Variants in PPM1L observed in about 807,000 individuals in gnomAD.
PPM1L encodes protein phosphatase 1L.
A neutral mutation model predicts 31.4 loss-of-function variants in PPM1L; 13 were observed. That is an observed-to-expected ratio of 0.41 (90% confidence interval 0.27 to 0.66). The LOEUF (loss-of-function observed/expected upper bound fraction) is 0.66, where lower values mean the gene tolerates loss of function less well. Among genes scored for constraint, PPM1L ranks in the 30% least tolerant of loss-of-function variants. The pLI is 0.29. For missense variants in PPM1L, 326 were observed against 453.7 expected (o/e 0.72, Z 2.56); for synonymous variants, 184 against 175.4 (o/e 1.05, Z -0.39).
intron 2 of PPM1L, among the ~76,000 whole-genome samples, chr3:160,972,883 A>G (rs1285954725): frequency 2.0e-5 from 3 of 152,076 alleles, no homozygotes; most frequent in Non-Finnish European, 4.4e-5. Context: ...CTTTTTAATG[A>G]TCGCCATTGT....
chr3:160,943,294 CT>C (rs1396365625), intron 1 of PPM1L, among the ~76,000 whole-genome samples: 1 of 152,130 alleles, frequency 6.6e-6, no homozygotes, highest in East Asian at 1.9e-4. Flanking sequence ...TCTGTGCATT[CT>C]TTTTGAAAAA....
intron 1 of PPM1L, among the ~76,000 whole-genome samples, chr3:160,951,546 TA>T (rs1364127668): frequency 2.6e-5 from 4 of 152,210 alleles, no homozygotes; most frequent in Admixed American, 6.5e-5. Context: ...AGAGGTAAGT[TA>T]TTTTTTATGT....
intron 1 of PPM1L, among the ~76,000 whole-genome samples, chr3:160,948,978 C>T (rs975307387): frequency 1.1e-4 from 16 of 152,006 alleles, no homozygotes; most frequent in African/African-American, 3.9e-4. Context: ...TGTTAAAATA[C>T]GGCAAACATT....
intron 1 of PPM1L, among the ~76,000 whole-genome samples, chr3:160,805,313 G>C (rs1295454949): frequency 6.6e-6 from 1 of 152,148 alleles, no homozygotes; most frequent in Non-Finnish European, 1.5e-5. Flanking sequence ...AAGTGAAAAA[G>C]TAGGGGACGA....
At position 161,069,023 on chromosome 3, in the gene PPM1L, A is replaced by C; in HGVS notation, c.949A>C (p.Ile317Leu). 1 of 1,614,218 alleles carries C rather than the reference A, an allele frequency of 6.2e-7. No homozygotes were observed. Among genetic ancestry groups the C allele is most frequent in the Non-Finnish European group, 8.5e-7 (1 of 1,180,032 alleles). Reference protein sequence around the residue: ...AFSNEEAVRFIKERLDEPHFG... With the variant: ...AFSNEEAVRFLKERLDEPHFG... Reference sequence around the variant, plus strand: ...CAGCAATGAAGAAGCAGTTCGATTCATCAAGGAGCGCTTGGATGAACCTCA... The same window carrying C: ...CAGCAATGAAGAAGCAGTTCGATTCCTCAAGGAGCGCTTGGATGAACCTCA... The change falls in exon 4 of 4, where the codon ATC (isoleucine) becomes CTC (leucine). Residue 317 changes from isoleucine (I) to leucine (L), a missense_variant. This residue lies in a region of PPM1L where 201 missense variants were observed against 298.2 expected (regional missense o/e 0.67). Coordinates refer to ENST00000498165, the MANE Select transcript of PPM1L (RefSeq NM_139245.4).
At chr3:160,842,500 G>A (rs1713914890) in intron 1 of PPM1L, among the ~76,000 whole-genome samples, 1 of 152,180 alleles carries the variant, frequency 6.6e-6, no homozygotes, top group African/African-American at 2.4e-5. Flanking sequence ...TTGCTTTGTA[G>A]TTTAGTTAGA....
At position 161,078,134 on chromosome 3, in the gene PPM1L, A is replaced by G. The variant is rs565706578; in HGVS notation, c.*8977A>G. The G allele has an allele frequency of 6.6e-6, 1 of 152,346 alleles. No homozygotes were observed. The highest frequency in any genetic ancestry group is 2.1e-4 in the South Asian group (1 of 4,826). The allele number at this position is 152,346 out of a possible 1,614,324, so 9.4% of individuals were successfully genotyped here. ...AGGAAATTCAAATGAAACCAAGCCA[A>G]TTTCTGATTTAGTAAGATTAAAACC... On this transcript the variant is annotated 3_prime_UTR_variant, in exon 4 of 4. Coordinates refer to ENST00000498165, the MANE Select transcript of PPM1L (RefSeq NM_139245.4).
chr3:160,958,059 C>A (rs752936322), intron 1 of PPM1L, among the ~76,000 whole-genome samples: 2 of 152,094 alleles, frequency 1.3e-5, no homozygotes, highest in Non-Finnish European at 2.9e-5. Flanking sequence ...GAATATTAGA[C>A]CTTTGTCAGG....
intron 1 of PPM1L, among the ~76,000 whole-genome samples, chr3:160,782,073 T>C (rs1214146489): frequency 6.6e-6 from 1 of 152,172 alleles, no homozygotes; most frequent in Non-Finnish European, 1.5e-5. Context: ...GTTATAAGGC[T>C]TTATAGCCAT....
intron 1 of PPM1L, among the ~76,000 whole-genome samples, chr3:160,824,507 G>A (rs930483099): frequency 6.6e-6 from 1 of 152,178 alleles, no homozygotes; most frequent in Non-Finnish European, 1.5e-5. Context: ...AAAGGTCATA[G>A]GCTGGAATCC....
intron 2 of PPM1L, among the ~76,000 whole-genome samples, chr3:160,999,569 A>G (rs1717419460): frequency 6.6e-6 from 1 of 151,940 alleles, no homozygotes; most frequent in Non-Finnish European, 1.5e-5. Context: ...CTGCTGCCAC[A>G]CTCTTAGGAA....
intron 1 of PPM1L, among the ~76,000 whole-genome samples, chr3:160,940,819 G>A (rs544078146): frequency 6.6e-6 from 1 of 152,282 alleles, no homozygotes; most frequent in East Asian, 1.9e-4. Flanking sequence ...CCTGCCTAGT[G>A]GAGCTGTGAG....
intron 1 of PPM1L, among the ~76,000 whole-genome samples, chr3:160,922,078 A>G (rs531540914): frequency 2.8e-4 from 43 of 152,284 alleles, no homozygotes; most frequent in South Asian, 1.0e-3. Context: ...TGGGAGGCCA[A>G]GGCGGGCAGA....
At chr3:160,884,689 A>C (rs1164073935) in intron 1 of PPM1L, among the ~76,000 whole-genome samples, 1 of 131,464 alleles carries the variant, frequency 7.6e-6, no homozygotes, top group Non-Finnish European at 1.6e-5. Context: ...CACAGAGCCC[A>C]CATACAATGG....
intron 1 of PPM1L, among the ~76,000 whole-genome samples, chr3:160,793,054 C>G (rs1261795713): frequency 6.6e-6 from 1 of 152,102 alleles, no homozygotes; most frequent in African/African-American, 2.4e-5. Context: ...ATGTAACTGA[C>G]ATGACTTATG....
At chr3:160,833,422 C>T (rs1341817478) in intron 1 of PPM1L, among the ~76,000 whole-genome samples, 1 of 152,174 alleles carries the variant, frequency 6.6e-6, no homozygotes, top group African/African-American at 2.4e-5. Context: ...CCTATTTCTC[C>T]ACAATCTCAC....
At chr3:160,762,066 G>A (rs1560100529) in intron 1 of PPM1L, among the ~76,000 whole-genome samples, 1 of 152,116 alleles carries the variant, frequency 6.6e-6, no homozygotes, top group African/African-American at 2.4e-5. Flanking sequence ...TGTATTATAT[G>A]TATTTATGTA....
intron 1 of PPM1L, among the ~76,000 whole-genome samples, chr3:160,812,993 T>C (rs1227445432): frequency 6.6e-6 from 1 of 152,228 alleles, no homozygotes; most frequent in East Asian, 1.9e-4. Context: ...TACTTAAATA[T>C]TCTACAGGGA....
intron 2 of PPM1L, among the ~76,000 whole-genome samples, chr3:161,044,253 T>C (rs760885056): frequency 2.6e-5 from 4 of 152,112 alleles, no homozygotes; most frequent in Non-Finnish European, 4.4e-5. Context: ...TTGGCCAGAC[T>C]GGTCTTGAAC....
Sources: allele counts gnomAD v4.1 joint callset (sites outside exome capture counted in the v4.1 genomes callset), GRCh38; gene constraint gnomAD v4.1.1; regional missense constraint gnomAD v4.1.1; transcripts MANE v1.5; gene names NCBI Gene and HGNC (gene_info 2026-07-23, HGNC 2026-07-21).